The following SREK1IP1 variants were observed in gnomAD, a reference collection of about 807,000 sequenced individuals.
SREK1IP1 encodes the protein protein SREK1IP1.
Under a neutral mutation model 22.8 loss-of-function variants are expected in SREK1IP1, and 12 were observed. That is an observed-to-expected ratio of 0.53 (90% confidence interval 0.34 to 0.85). The LOEUF is 0.85. Among genes scored for constraint, SREK1IP1 ranks in the 40% least tolerant of loss-of-function variants. SREK1IP1 has a pLI of 0.02. For synonymous variants in SREK1IP1, 53 were observed against 52.7 expected (o/e 1.01, Z -0.02); for missense variants, 147 against 171.8 (o/e 0.86, Z 0.81).
At chr5:64,751,141 T>C (rs1742733269) in intron 2 of SREK1IP1, among the ~76,000 whole-genome samples, 1 of 152,184 alleles carries the variant, frequency 6.6e-6, no homozygotes, top group Admixed American at 6.5e-5. Context: ...AGAACATTTT[T>C]CAGTTCATTT....
chr5:64,752,387 G>A (rs1258520427), intron 2 of SREK1IP1, among the ~76,000 whole-genome samples: 7 of 151,812 alleles, frequency 4.6e-5, no homozygotes, highest in African/African-American at 7.3e-5. Context: ...TCCTGACCTC[G>A]TGATCCACCC....
At chr5:64,740,298 C>G (rs1318900322) in intron 3 of SREK1IP1, among the ~76,000 whole-genome samples, 2 of 151,914 alleles carry the variant, frequency 1.3e-5, no homozygotes, top group Non-Finnish European at 2.9e-5. Context: ...CCATAGAACC[C>G]CTATTTATAT....
intron 2 of SREK1IP1, among the ~76,000 whole-genome samples, chr5:64,751,629 A>G (rs969694656): frequency 3.9e-5 from 6 of 152,216 alleles, no homozygotes; most frequent in Non-Finnish European, 7.3e-5. Flanking sequence ...TGGGCTCTAC[A>G]TAGTAAGCGT....
At chr5:64,732,007 C>T (rs1742389479) in intron 3 of SREK1IP1, among the ~76,000 whole-genome samples, 1 of 152,166 alleles carries the variant, frequency 6.6e-6, no homozygotes, top group South Asian at 2.1e-4. Context: ...TAAAAAGTCA[C>T]ATCCAATGAC....
At chr5:64,732,905 A>T (rs1301342162) in intron 3 of SREK1IP1, among the ~76,000 whole-genome samples, 1 of 151,656 alleles carries the variant, frequency 6.6e-6, no homozygotes, top group African/African-American at 2.4e-5. Context: ...AATAGAACCA[A>T]CTGATTTTTT....
At chr5:64,733,195 CA>C (rs1404279867) in intron 3 of SREK1IP1, among the ~76,000 whole-genome samples, 1 of 151,946 alleles carries the variant, frequency 6.6e-6, no homozygotes, top group Admixed American at 6.6e-5. Context: ...TGGACTTCAT[CA>C]AAATTAAAAA....
In SREK1IP1 at chr5:64,738,571, G is replaced by C. The variant is rs535077463; in HGVS notation, c.205+2486C>G. On this transcript the variant is annotated intron_variant, in intron 3 of 4. Transcript: ENST00000513458. ...CAAAGCTGTAGGCATCACATTCCTT[G>C]ATTTCAAAATATATTACACAGCTAT... Among the ~76,000 whole-genome samples the C allele has an allele frequency of 2.0e-4, 30 of 152,160 alleles. 1 individual carries two copies. In the South Asian group the frequency reaches 5.6e-3, roughly 28 times the overall value.
In SREK1IP1 at chr5:64,749,068, AATAATAAT is replaced by A. The variant is rs1177988279; in HGVS notation, c.61+5239_61+5246del. Among the ~76,000 whole-genome samples, 143 of 78,728 alleles carry A rather than the reference AATAATAAT, an allele frequency of 1.8e-3. 1 individual carries two copies. The highest frequency in any genetic ancestry group is 1.9e-3 in the Non-Finnish European group (72 of 37,028). 51.6% of individuals were successfully genotyped at this position (78,728 alleles called of 152,430 possible). A position where few individuals can be genotyped will look rare whatever the true frequency, so the allele number is the denominator to read the frequency against. ...AGGAGTAGCTATGCCACATAATAAT[AATAATAAT>A]AATAATAATAATAATAATAATAATA... is the stretch of plus-strand genomic sequence containing the variant. On this transcript the variant is annotated intron_variant, in intron 2 of 4. Coordinates refer to ENST00000513458, the MANE Select transcript of SREK1IP1 (RefSeq NM_173829.4).
chr5:64,718,460 C>T lies in SREK1IP1; in HGVS notation c.*5924G>A, dbSNP rs1742093754. ...AACTAGAGGTGACTTGTTCTTAAATCTCTTAGAAGTCAACCCACATCTTTT... is the reference window on the plus strand; with the variant it reads ...AACTAGAGGTGACTTGTTCTTAAATTTCTTAGAAGTCAACCCACATCTTTT... On this transcript the variant is annotated 3_prime_UTR_variant, in exon 5 of 5. Transcript: ENST00000513458. 6.6e-6 allele frequency: 1 copy of T among 152,654 alleles called. No homozygotes were observed. Among genetic ancestry groups the T allele is most frequent in the African/African-American group, 2.4e-5 (1 of 41,458 alleles). 9.5% of individuals were successfully genotyped at this position (152,654 alleles called of 1,614,324 possible). A position where few individuals can be genotyped will look rare whatever the true frequency, so the allele number is the denominator to read the frequency against.
chr5:64,729,459 C>T (rs73759386), intron 3 of SREK1IP1, among the ~76,000 whole-genome samples: 6,506 of 152,132 alleles, frequency 0.043, 395 homozygotes, highest in African/African-American at 0.13. Flanking sequence ...TAAGAATGAA[C>T]ATGAATGAGA....
intron 3 of SREK1IP1, among the ~76,000 whole-genome samples, chr5:64,735,830 A>G (rs1022493773): frequency 4.6e-5 from 7 of 151,550 alleles, no homozygotes; most frequent in African/African-American, 1.7e-4. Flanking sequence ...GGTTTTATTG[A>G]TTTTCTATAG....
At chr5:64,765,924 G>A (rs184694840) in intron 1 of SREK1IP1, among the ~76,000 whole-genome samples, 1 of 152,322 alleles carries the variant, frequency 6.6e-6, no homozygotes, top group Admixed American at 6.5e-5. Context: ...AATGAGCAGT[G>A]ATAACAGGTC....
intron 1 of SREK1IP1, 69 bp from the exon 2 acceptor site, chr5:64,754,431 G>T: frequency 1.0e-5 from 15 of 1,465,148 alleles, no homozygotes; most frequent in Middle Eastern, 1.9e-4. Flanking sequence ...TTTATTGTAT[G>T]AAAAAAGCTA....
intron 1 of SREK1IP1, among the ~76,000 whole-genome samples, chr5:64,766,930 ACTAT>A (rs1743042363): frequency 6.6e-6 from 1 of 152,226 alleles, no homozygotes; most frequent in African/African-American, 2.4e-5. Context: ...AGCTACAGTT[ACTAT>A]CTACTTAATT....
At chr5:64,766,236 C>G (rs1743030567) in intron 1 of SREK1IP1, among the ~76,000 whole-genome samples, 1 of 152,230 alleles carries the variant, frequency 6.6e-6, no homozygotes, top group African/African-American at 2.4e-5. Flanking sequence ...CTATGTCTGA[C>G]TAACCTCAAC....
Position 64,768,583 on chromosome 5 carries a change from T to C in SREK1IP1, c.-66A>G. 6.2e-7 allele frequency: 1 copy of C among 1,612,256 alleles called. No homozygotes were observed. Among genetic ancestry groups the C allele is most frequent in the Non-Finnish European group, 8.5e-7 (1 of 1,178,786 alleles). On this transcript the variant is annotated 5_prime_UTR_variant, in exon 1 of 5. Coordinates refer to ENST00000513458, the MANE Select transcript of SREK1IP1 (RefSeq NM_173829.4). The stretch of plus-strand genomic sequence containing the variant: ...AAAGGCGCTTGCTTCCCGCCAGCTG[T>C]GAGAACAAGGCACAGTCAAAGCGGC...
At chr5:64,725,869 T>TG (rs1251578323) in intron 4 of SREK1IP1, among the ~76,000 whole-genome samples, 1 of 148,552 alleles carries the variant, frequency 6.7e-6, no homozygotes, top group Admixed American at 6.7e-5. Context: ...TTCTTTTTTT[T>TG]TTTTTTTTTT....
At chr5:64,747,824 A>G (rs928558984) in intron 2 of SREK1IP1, among the ~76,000 whole-genome samples, 54 of 152,092 alleles carry the variant, frequency 3.6e-4, no homozygotes, top group Non-Finnish European at 1.2e-4. Context: ...GCTACTTGGG[A>G]GGCTGAAGCA....
At chr5:64,765,083 G>C (rs1743012151) in intron 1 of SREK1IP1, 1 of 152,216 alleles carries the variant, frequency 6.6e-6, no homozygotes. Context: ...ATGGAGAGTG[G>C]TGAATCACTG....
Sources: gnomAD v4.1 joint callset for allele counts (sites outside exome capture counted in the v4.1 genomes callset) on GRCh38, gnomAD v4.1.1 for gene constraint, MANE v1.5 for transcripts, NCBI Gene and HGNC (gene_info 2026-07-23, HGNC 2026-07-21) for gene names.